Variants in MAGI2 observed in about 807,000 individuals in gnomAD.
The protein encoded by MAGI2 is membrane associated guanylate kinase, WW and PDZ domain containing 2, also known as membrane-associated guanylate kinase, WW and PDZ domain-containing protein 2.
In MAGI2, 35 loss-of-function variants were observed where a neutral mutation model predicts 133.3. The observed-to-expected ratio is 0.26, with a 90% CI of 0.20 to 0.35. The LOEUF (loss-of-function observed/expected upper bound fraction) is 0.35, where lower values mean the gene tolerates loss of function less well. Among genes scored for constraint, MAGI2 ranks in the 10% least tolerant of loss-of-function variants. The probability of loss-of-function intolerance (pLI) is 1.00; values close to 1 mark genes in which losing one functional copy is unlikely to be tolerated. For missense variants in MAGI2, 1,636 were observed against 1,863.4 expected (o/e 0.88, Z 2.25); for synonymous variants, 729 against 710.6 (o/e 1.03, Z -0.41).
At chr7:79,319,620 A>T (rs1022744983) in intron 1 of MAGI2, among the ~76,000 whole-genome samples, 3 of 152,206 alleles carry the variant, frequency 2.0e-5, no homozygotes, top group Non-Finnish European at 4.4e-5. Flanking sequence ...GCTAAGAATG[A>T]CAAAGCAGAA....
At chr7:79,113,776 A>G (rs1819144877) in intron 1 of MAGI2, among the ~76,000 whole-genome samples, 1 of 151,590 alleles carries the variant, frequency 6.6e-6, no homozygotes, top group Non-Finnish European at 1.5e-5. Context: ...TACCCAGGGC[A>G]GTGCTAATAA....
At chr7:79,229,179 T>A (rs1352878104) in intron 1 of MAGI2, among the ~76,000 whole-genome samples, 1 of 152,134 alleles carries the variant, frequency 6.6e-6, no homozygotes, top group Admixed American at 6.5e-5. Context: ...AAAAGTTATT[T>A]ATAGTTTGTA....
In MAGI2 at chr7:78,731,030, C is replaced by A. The variant is rs188218526; in HGVS notation, c.419-103791G>T. On this transcript the variant is annotated intron_variant, in intron 2 of 21. Transcript: ENST00000354212. ...CAAGGCCAACTTTTCTTGTGAGAAA[C>A]AAATTCTTTCTTAAAAAAAAAAGCT... Among the ~76,000 whole-genome samples the A allele has an allele frequency of 8.0e-4, 122 of 151,940 alleles. No individual in the cohort carries two copies. In the East Asian group the frequency reaches 0.023, roughly 28 times the overall value.
intron 2 of MAGI2, among the ~76,000 whole-genome samples, chr7:78,916,595 C>G (rs1798813944): frequency 6.6e-6 from 1 of 152,160 alleles, no homozygotes; most frequent in Non-Finnish European, 1.5e-5. Flanking sequence ...CAAAATTAAA[C>G]CTTTCAGGAT....
intron 21 of MAGI2, among the ~76,000 whole-genome samples, chr7:78,026,937 C>A (rs1409832838): frequency 5.9e-5 from 9 of 152,114 alleles, no homozygotes; most frequent in Admixed American, 5.9e-4. Flanking sequence ...TTACTAGATG[C>A]CAGGCACTCT....
In MAGI2 at chr7:78,558,113, A is replaced by G. The variant is rs1344658502; in HGVS notation, c.539-36468T>C. Among the ~76,000 whole-genome samples the G allele has an allele frequency of 1.3e-5, 2 of 152,174 alleles. 1 individual carries two copies. Among genetic ancestry groups the G allele is most frequent in the African/African-American group, 4.8e-5 (2 of 41,444 alleles). On this transcript the variant is annotated intron_variant, in intron 3 of 21. Coordinates refer to ENST00000354212, the MANE Select transcript of MAGI2 (RefSeq NM_012301.4). ...TGTGATAAATCCTTAATATATATCA[A>G]TTGAATACAAATAAAATAATCAGAG...
chr7:78,428,372 T>G (rs1253258526), intron 6 of MAGI2, among the ~76,000 whole-genome samples: 5 of 152,200 alleles, frequency 3.3e-5, no homozygotes, highest in Non-Finnish European at 7.3e-5. Flanking sequence ...AATGCAAATG[T>G]TTATCTTGAA....
At chr7:78,439,966 T>A (rs894192152) in intron 6 of MAGI2, among the ~76,000 whole-genome samples, 1 of 151,746 alleles carries the variant, frequency 6.6e-6, no homozygotes, top group Admixed American at 6.6e-5. Context: ...TTGGCTATAT[T>A]GGACTAAATA....
intron 1 of MAGI2, among the ~76,000 whole-genome samples, chr7:79,326,449 A>C (rs1563118832): frequency 6.6e-6 from 1 of 152,184 alleles, no homozygotes; most frequent in Non-Finnish European, 1.5e-5. Context: ...CTGTGTAAGA[A>C]AAAATAAGTA....
chr7:79,352,996 C>A (rs1290901494), intron 1 of MAGI2, among the ~76,000 whole-genome samples: 1 of 152,014 alleles, frequency 6.6e-6, no homozygotes, highest in African/African-American at 2.4e-5. Context: ...CTCTCATCTA[C>A]CCTGTGAGGT....
At chr7:79,280,504 A>T (rs1488190153) in intron 1 of MAGI2, among the ~76,000 whole-genome samples, 1 of 152,182 alleles carries the variant, frequency 6.6e-6, no homozygotes, top group African/African-American at 2.4e-5. Flanking sequence ...TCCATGTAGC[A>T]TGTATTGGAA....
At chr7:79,387,129 T>TGTGTG (rs1563176235) in intron 1 of MAGI2, among the ~76,000 whole-genome samples, 5 of 151,464 alleles carry the variant, frequency 3.3e-5, no homozygotes, top group African/African-American at 4.8e-5. Context: ...TGTGTGTGTG[T>TGTGTG]TAACATTAAC....
At chr7:78,794,016 T>C (rs1215947488) in intron 2 of MAGI2, among the ~76,000 whole-genome samples, 1 of 152,234 alleles carries the variant, frequency 6.6e-6, no homozygotes, top group African/African-American at 2.4e-5. Context: ...TTGTGACCTA[T>C]AAAGTGACTA....
At chr7:78,253,280 T>C (rs1792617145) in intron 10 of MAGI2, 1 of 152,196 alleles carries the variant, frequency 6.6e-6, no homozygotes, top group Admixed American at 6.5e-5. Flanking sequence ...TAGGTAACTC[T>C]CACCAGCATT....
chr7:78,265,995 A>G (rs1793964430), intron 9 of MAGI2, among the ~76,000 whole-genome samples: 1 of 152,220 alleles, frequency 6.6e-6, no homozygotes, highest in Admixed American at 6.5e-5. Context: ...TCTACCCGCA[A>G]CTGTCAATAG....
intron 21 of MAGI2, among the ~76,000 whole-genome samples, chr7:78,036,396 A>C (rs915479595): frequency 5.0e-5 from 3 of 59,924 alleles, no homozygotes; most frequent in African/African-American, 2.1e-4. Flanking sequence ...TATAGTAAGC[A>C]CTTGTAAATA....
intron 10 of MAGI2, among the ~76,000 whole-genome samples, chr7:78,209,423 C>A (rs201039988): frequency 1.5e-4 from 22 of 150,182 alleles, no homozygotes; most frequent in Non-Finnish European, 2.4e-4. Context: ...CATCACGCCC[C>A]ACTAAAATTT....
intron 2 of MAGI2, among the ~76,000 whole-genome samples, chr7:78,959,400 TA>T (rs948408853): frequency 2.0e-3 from 301 of 151,502 alleles, no homozygotes; most frequent in Middle Eastern, 6.8e-3. Flanking sequence ...TATAATAAAT[TA>T]AAAAAAAATC....
At chr7:78,563,662 C>T (rs1051411469) in intron 3 of MAGI2, among the ~76,000 whole-genome samples, 3 of 152,190 alleles carry the variant, frequency 2.0e-5, no homozygotes, top group Admixed American at 2.0e-4. Context: ...ATGATAAATT[C>T]TGTTGGTAGA....
Sources: gnomAD v4.1 joint callset for allele counts (sites outside exome capture counted in the v4.1 genomes callset) on GRCh38, gnomAD v4.1.1 for gene constraint, MANE v1.5 for transcripts, NCBI Gene and HGNC (gene_info 2026-07-23, HGNC 2026-07-21) for gene names.